Variants in CNBD1 observed in about 807,000 individuals in gnomAD.
CNBD1 encodes cyclic nucleotide binding domain containing 1.
Under a neutral mutation model 54.4 loss-of-function variants are expected in CNBD1, and 71 were observed. The observed-to-expected ratio is 1.30, with a 90% CI of 1.08 to 1.59. The LOEUF (loss-of-function observed/expected upper bound fraction) is 1.59. Ranked by LOEUF, CNBD1 falls within the 40% of genes most tolerant of loss-of-function variation. The probability of loss-of-function intolerance (pLI) is 0.00; values close to 1 mark genes in which losing one functional copy is unlikely to be tolerated. For synonymous variants in CNBD1, 182 were observed against 170.7 expected, an observed-to-expected ratio of 1.07 and a Z score of -0.51; for missense variants, 659 against 518.0, an observed-to-expected ratio of 1.27 and a Z score of -2.64.
chr8:87,194,431 T>C (rs1586321050), intron 4 of CNBD1, among the ~76,000 whole-genome samples: 1 of 152,184 alleles, frequency 6.6e-6, no homozygotes, highest in Admixed American at 6.5e-5. Flanking sequence ...GAATCACTTA[T>C]AATCTTGGCC....
At chr8:87,330,211 G>A (rs955629536) in intron 8 of CNBD1, among the ~76,000 whole-genome samples, 8 of 136,282 alleles carry the variant, frequency 5.9e-5, no homozygotes, top group Non-Finnish European at 9.3e-5. Context: ...TCCCATACTG[G>A]TAATTTGTGT....
At chr8:87,064,773 C>A (rs1208951619) in intron 4 of CNBD1, among the ~76,000 whole-genome samples, 1 of 151,766 alleles carries the variant, frequency 6.6e-6, no homozygotes, top group African/African-American at 2.4e-5. Flanking sequence ...AGTGTAGGTG[C>A]CATATTATTT....
At chr8:87,286,472 C>A in intron 7 of CNBD1, 67 bp from the exon 8 acceptor site, 1 of 905,372 alleles carries the variant, frequency 1.1e-6, no homozygotes, top group South Asian at 1.5e-5. Context: ...CACCATTTAT[C>A]TATTTGCTAT....
chr8:87,087,094 AC>A (rs1344657610), intron 4 of CNBD1, among the ~76,000 whole-genome samples: 1 of 149,446 alleles, frequency 6.7e-6, no homozygotes, highest in African/African-American at 2.5e-5. Flanking sequence ...AAATTACAGG[AC>A]TCTTTCCTGG....
At chr8:87,224,093 G>T (rs1418307036) in intron 5 of CNBD1, among the ~76,000 whole-genome samples, 2 of 151,330 alleles carry the variant, frequency 1.3e-5, no homozygotes, top group Non-Finnish European at 2.9e-5. Flanking sequence ...GGGGTTGTTT[G>T]TTTTTTTCTT....
chr8:86,889,547 A>G (rs1033187320), intron 2 of CNBD1, among the ~76,000 whole-genome samples: 3 of 152,144 alleles, frequency 2.0e-5, no homozygotes, highest in African/African-American at 7.2e-5. Context: ...AAATTTTTGT[A>G]CATAGAACTC....
chr8:87,366,373 G>T lies in CNBD1; in HGVS notation c.1303+12587G>T, dbSNP rs189488023. On this transcript the variant is annotated intron_variant, in intron 10 of 10. Coordinates refer to ENST00000518476, the MANE Select transcript of CNBD1 (RefSeq NM_173538.3). ...GTTTTCTTGCGGTTTTTACCTGAGG[G>T]TCACTCTCAGCCATCAGAGCCTGCT... Among the ~76,000 whole-genome samples the T allele has an allele frequency of 3.9e-3, 590 of 152,024 alleles. 3 individuals carry two copies. The highest frequency in any genetic ancestry group is 5.8e-3 in the Non-Finnish European group (391 of 67,974).
chr8:87,222,573 C>T (rs1321129087), intron 5 of CNBD1, among the ~76,000 whole-genome samples: 1 of 152,062 alleles, frequency 6.6e-6, no homozygotes, highest in Non-Finnish European at 1.5e-5. Context: ...GAGGGATTCA[C>T]CACTGACAAT....
chr8:87,428,489 T>TCTTTTCA, intron 2 of CNBD1: 3 of 374,510 alleles, frequency 8.0e-6, no homozygotes, highest in Non-Finnish European at 1.6e-5. Flanking sequence ...CAATTGCTCT[T>TCTTTTCA]TTTATGAAGA....
intron 5 of CNBD1, among the ~76,000 whole-genome samples, chr8:87,220,526 G>A (rs1245917209): frequency 9.1e-6 from 1 of 109,828 alleles, no homozygotes; most frequent in Non-Finnish European, 1.9e-5. Context: ...TCATTTTTTT[G>A]ATGAGAGCTT....
intron 4 of CNBD1, among the ~76,000 whole-genome samples, chr8:87,137,127 A>C (rs13257966): frequency 0.043 from 5,255 of 122,290 alleles, 590 homozygotes; most frequent in African/African-American, 0.14. Flanking sequence ...TATTTTTATT[A>C]TATATAAATT....
intron 4 of CNBD1, among the ~76,000 whole-genome samples, chr8:87,024,557 G>T (rs1325971333): frequency 6.6e-6 from 1 of 151,896 alleles, no homozygotes; most frequent in Non-Finnish European, 1.5e-5. Flanking sequence ...GGCCAGGCTG[G>T]TCTCAAACTC....
chr8:87,197,912 TG>T (rs1227365157), intron 4 of CNBD1, among the ~76,000 whole-genome samples: 32 of 152,124 alleles, frequency 2.1e-4, no homozygotes, highest in Admixed American at 2.1e-3. Context: ...CCTTTATCTG[TG>T]GGAGAAAATT....
intron 4 of CNBD1, among the ~76,000 whole-genome samples, chr8:86,960,475 A>C (rs1294014382): frequency 6.6e-6 from 1 of 152,196 alleles, no homozygotes; most frequent in African/African-American, 2.4e-5. Flanking sequence ...TAGGTAAACA[A>C]AGTGGCCGGG....
intron 5 of CNBD1, among the ~76,000 whole-genome samples, chr8:87,232,904 A>T (rs1371304967): frequency 6.6e-6 from 1 of 152,158 alleles, no homozygotes; most frequent in African/African-American, 2.4e-5. Flanking sequence ...AAGTAATAGT[A>T]TGTAATATGA....
chr8:87,056,771 AT>A (rs752673142), intron 4 of CNBD1, among the ~76,000 whole-genome samples: 6 of 151,660 alleles, frequency 4.0e-5, no homozygotes, highest in East Asian at 3.9e-4. Flanking sequence ...TAGAGGTAGA[AT>A]TTTTTTTTAC....
chr8:87,226,114 G>A (rs1387063198), intron 5 of CNBD1, among the ~76,000 whole-genome samples: 2 of 152,034 alleles, frequency 1.3e-5, no homozygotes, highest in African/African-American at 2.4e-5. Context: ...TATTGCATCT[G>A]TTTGATTCTT....
intron 4 of CNBD1, among the ~76,000 whole-genome samples, chr8:87,011,177 T>C (rs1809212862): frequency 6.9e-6 from 1 of 144,184 alleles, no homozygotes; most frequent in Non-Finnish European, 1.5e-5. Flanking sequence ...TTATTAGAGT[T>C]TGGTTTTTTT....
At chr8:86,959,321 T>C (rs566430398) in intron 4 of CNBD1, among the ~76,000 whole-genome samples, 1 of 152,318 alleles carries the variant, frequency 6.6e-6, no homozygotes, top group East Asian at 1.9e-4. Flanking sequence ...CTGACAATTA[T>C]ATGTCTTGGA....
Sources: gnomAD v4.1 joint callset for allele counts (sites outside exome capture counted in the v4.1 genomes callset) on GRCh38, gnomAD v4.1.1 for gene constraint, MANE v1.5 for transcripts, NCBI Gene and HGNC (gene_info 2026-07-23, HGNC 2026-07-21) for gene names.